Variants in SEC24B observed in about 807,000 individuals in gnomAD.
SEC24B encodes SEC24 homolog B, COPII component.
SEC24B carries 45 observed loss-of-function variants against 142.8 expected under a neutral mutation model. That is an observed-to-expected ratio of 0.32 (90% CI 0.25 to 0.40). The LOEUF is 0.40. Ranked by LOEUF, SEC24B falls within the 10% of genes least tolerant of loss-of-function variation. SEC24B has a pLI of 1.00. For synonymous variants in SEC24B, 574 were observed against 568.2 expected, an observed-to-expected ratio of 1.01 and a Z score of -0.15; for missense variants, 1,409 against 1,526.8, an observed-to-expected ratio of 0.92 and a Z score of 1.29.
At position 109,491,418 on chromosome 4, in the gene SEC24B, T is replaced by G. The variant is rs771335613; in HGVS notation, c.1246+11T>G. On this transcript the variant is annotated intron_variant, in intron 5 of 23. Transcript: ENST00000265175. ...GAGGCAGTTACCCAGGTAATTTGTT[T>G]TGTGCTTGCTTGATCTTCATTTTGA... 1.9e-6 allele frequency: 3 copies of G among 1,597,388 alleles called. No individual in the cohort carries two copies. The highest frequency in any genetic ancestry group is 2.7e-5 in the African/African-American group (2 of 74,582).
Position 109,491,475 on chromosome 4 carries a change from G to A in SEC24B, c.1246+68G>A, listed in dbSNP as rs908610642. On this transcript the variant is annotated intron_variant, in intron 5 of 23. Coordinates refer to ENST00000265175, the MANE Select transcript of SEC24B (RefSeq NM_006323.5). ...TTGACCATCAGTTGCCTTCAAATGT[G>A]AACATGTATTACACATAATAGCAGG... is the stretch of plus-strand genomic sequence containing the variant. 1.4e-5 allele frequency: 16 copies of A among 1,182,000 alleles called. No individual in the cohort carries two copies. The African/African-American group carries it at 2.4e-4, about 18-fold the overall frequency. 73.2% of individuals were successfully genotyped at this position (1,182,000 alleles called of 1,614,324 possible).
rs73838599 is a variant in SEC24B at position 109,469,511 on chromosome 4, G to T, written c.878-3493G>T. ...CCTATTATTATTTAAGCAACATGAA[G>T]CAACCGTATATGGTACTTCGGAGCA... On this transcript the variant is annotated intron_variant, in intron 2 of 23. Coordinates refer to ENST00000265175, the MANE Select transcript of SEC24B (RefSeq NM_006323.5). Among the ~76,000 whole-genome samples, 138 of 152,284 alleles carry T rather than the reference G, an allele frequency of 9.1e-4. 2 individuals carry two copies. Among genetic ancestry groups the T allele is most frequent in the African/African-American group, 3.1e-3 (128 of 41,550 alleles).
At chr4:109,476,687 C>T (rs1561107734) in intron 3 of SEC24B, among the ~76,000 whole-genome samples, 1 of 125,394 alleles carries the variant, frequency 8.0e-6, no homozygotes, top group Non-Finnish European at 1.5e-5. Flanking sequence ...TAGTTGTTAA[C>T]ATTATTATTT....
chr4:109,460,063 C>A lies in SEC24B; in HGVS notation c.134-2838C>A, dbSNP rs568684842. The stretch of plus-strand genomic sequence containing the variant: ...TAATCTAAGAAAAGTAAATTATACA[C>A]CTAGTAAAATAGCGTTATCAGTATT... On this transcript the variant is annotated intron_variant, in intron 1 of 23. Coordinates refer to ENST00000265175, the MANE Select transcript of SEC24B (RefSeq NM_006323.5). 6.1e-4 allele frequency among the ~76,000 whole-genome samples: 93 copies of A among 152,142 alleles called. 2 individuals are homozygous for A. In the South Asian group the frequency reaches 6.2e-3, roughly 10 times the overall value.
In SEC24B at chr4:109,434,046, T is replaced by A. The variant is rs867697463; in HGVS notation, c.133+44T>A. ...GCGGAGCGCGGGGCCTAGCACCGGC[T>A]GGGCGGCCTGCACGGCCACATCGGG... On this transcript the variant is annotated intron_variant, in intron 1 of 23. Transcript: ENST00000265175. 3,482 of 1,053,002 alleles carry A rather than the reference T, an allele frequency of 3.3e-3. 10 individuals carry two copies. Among genetic ancestry groups the A allele is most frequent in the Non-Finnish European group, 3.7e-3 (3,238 of 875,066 alleles). The allele number at this position is 1,053,002 out of a possible 1,614,324, so 65.2% of individuals were successfully genotyped here. A position where few individuals can be genotyped will look rare whatever the true frequency, so the allele number is the denominator to read the frequency against.
At chr4:109,531,183 C>T (rs370873537) in intron 19 of SEC24B, among the ~76,000 whole-genome samples, 7 of 152,228 alleles carry the variant, frequency 4.6e-5, no homozygotes, top group Admixed American at 1.3e-4. Flanking sequence ...CCCTATTTTT[C>T]TCATGATGAC....
intron 11 of SEC24B, among the ~76,000 whole-genome samples, chr4:109,519,437 A>G (rs1476352159): frequency 6.6e-6 from 1 of 152,252 alleles, no homozygotes; most frequent in Non-Finnish European, 1.5e-5. Context: ...AATAGCAACA[A>G]ATGTATAATA....
At chr4:109,435,109 T>C (rs1185920143) in intron 1 of SEC24B, among the ~76,000 whole-genome samples, 1 of 152,252 alleles carries the variant, frequency 6.6e-6, no homozygotes, top group African/African-American at 2.4e-5. Flanking sequence ...AATGAAAATC[T>C]GCTGGACTTT....
rs879123303 is a variant in SEC24B, at chr4:109,525,292, C to G, written c.2633-54C>G. The G allele has an allele frequency of 9.9e-6, 14 of 1,412,870 alleles. No individual in the cohort carries two copies. The South Asian group carries it at 2.2e-4, about 22-fold the overall frequency. The allele number at this position is 1,412,870 out of a possible 1,614,324, so 87.5% of individuals were successfully genotyped here. On this transcript the variant is annotated intron_variant, in intron 15 of 23. Coordinates refer to ENST00000265175, the MANE Select transcript of SEC24B (RefSeq NM_006323.5). The stretch of plus-strand genomic sequence containing the variant: ...ATGTAGAATCTGTACTACTGTTGGA[C>G]AAGTAAAATATTATTATTTCTATAG...
chr4:109,501,858 A>T (rs1415260858), intron 6 of SEC24B, among the ~76,000 whole-genome samples: 1 of 152,270 alleles, frequency 6.6e-6, no homozygotes, highest in Non-Finnish European at 1.5e-5. Flanking sequence ...CTAGGCACTG[A>T]GAATACGAGA....
rs746654011 is a variant in SEC24B, at chr4:109,513,782, T to A, written c.1939T>A (p.Ser647Thr). The change falls in exon 10 of 24, where the codon TCT becomes ACT. Residue 647 changes from serine (S) to threonine (T), a missense_variant. By Grantham distance (58) the Ser-to-Thr change is moderately conservative (BLOSUM62 1). Transcript: ENST00000265175. ...EEFMYNPLTR[S>T]YGEPHKRPEV... ...ATTTATGTATAACCCCCTTACCCGA[T>A]CTTATGGAGAGCCTCATAAACGACC... The A allele has an allele frequency of 6.8e-6, 11 of 1,613,194 alleles. No homozygotes were observed. In the South Asian group the frequency reaches 1.1e-4, roughly 16 times the overall value.
chr4:109,450,301 C>T (rs1215125715), intron 1 of SEC24B, among the ~76,000 whole-genome samples: 1 of 152,120 alleles, frequency 6.6e-6, no homozygotes, highest in African/African-American at 2.4e-5. Context: ...CAAATCACCA[C>T]AGTAATTAAG....
chr4:109,510,865 T>C (rs1234713310), intron 8 of SEC24B, among the ~76,000 whole-genome samples: 1 of 152,114 alleles, frequency 6.6e-6, no homozygotes, highest in African/African-American at 2.4e-5. Flanking sequence ...TTTGCTGTCA[T>C]TCATCCAAAA....
chr4:109,482,353 T>C (rs551720392), intron 4 of SEC24B, among the ~76,000 whole-genome samples: 2 of 152,322 alleles, frequency 1.3e-5, no homozygotes, highest in South Asian at 4.1e-4. Flanking sequence ...TTGCAAACTG[T>C]TTAATATCTT....
intron 3 of SEC24B, among the ~76,000 whole-genome samples, chr4:109,479,179 A>C (rs911602884): frequency 6.6e-6 from 1 of 152,214 alleles, no homozygotes; most frequent in African/African-American, 2.4e-5. Flanking sequence ...GGGCCCTTTG[A>C]ATAACAGAGT....
intron 2 of SEC24B, among the ~76,000 whole-genome samples, chr4:109,468,130 A>G (rs1400802040): frequency 2.6e-5 from 4 of 152,150 alleles, no homozygotes; most frequent in East Asian, 3.8e-4. Context: ...AAATTAGACA[A>G]CCACATTGGA....
intron 20 of SEC24B, 28 bp downstream of exon 20, chr4:109,531,550 T>G (rs746182676): frequency 7.1e-6 from 11 of 1,541,194 alleles, no homozygotes; most frequent in Non-Finnish European, 9.0e-6. Context: ...TTTGAAATGT[T>G]TAAATTTGAA....
Position 109,473,062 on chromosome 4 carries a change from A to G in SEC24B, c.936A>G (p.Pro312=), listed in dbSNP as rs1732694211. The change falls in exon 3 of 24, where the codon CCA becomes CCG. Residue 312 remains proline (P), a synonymous_variant. Coordinates refer to ENST00000265175, the MANE Select transcript of SEC24B (RefSeq NM_006323.5). ...ATGTTCAGCCTCCCAAGTCCAGCCCAGTGGTATCCACTGTTTTATCAGGAT... is the reference window on the plus strand; with the variant it reads ...ATGTTCAGCCTCCCAAGTCCAGCCCGGTGGTATCCACTGTTTTATCAGGAT... ...MQNVQPPKSS[P]VVSTVLSGSS... 1 of 1,604,042 alleles carries G rather than the reference A, an allele frequency of 6.2e-7. No homozygotes were observed. Among genetic ancestry groups the G allele is most frequent in the Non-Finnish European group, 8.5e-7 (1 of 1,175,300 alleles).
Position 109,520,411 on chromosome 4 carries a change from T to C in SEC24B, c.2172T>C (p.Asp724=). 5 of 1,612,620 alleles carry C rather than the reference T, an allele frequency of 3.1e-6. No individual in the cohort carries two copies. Among genetic ancestry groups the C allele is most frequent in the Non-Finnish European group, 4.2e-6 (5 of 1,178,916 alleles). The part of the protein sequence containing the change: ...SRTRIGFMTF[D]STIHFYNLQE... ...CAAGAATAGGATTCATGACCTTTGA[T>C]AGCACTATTCATTTCTACAATTTAC... Residue 724 remains aspartate, a synonymous_variant, in exon 12 of 24, where the codon GAT becomes GAC. Transcript: ENST00000265175.
Sources: allele counts gnomAD v4.1 joint callset (sites outside exome capture counted in the v4.1 genomes callset), GRCh38; gene constraint gnomAD v4.1.1; transcripts MANE v1.5; gene names NCBI Gene and HGNC (gene_info 2026-07-23, HGNC 2026-07-21).